LRMDA: variants seen among roughly 807,000 people sequenced by gnomAD.
LRMDA encodes the protein leucine rich melanocyte differentiation associated, also known as leucine-rich melanocyte differentiation-associated protein.
A neutral mutation model predicts 29.8 loss-of-function variants in LRMDA; 18 were observed. The observed-to-expected ratio is 0.60, with a 90% CI of 0.42 to 0.90. LRMDA has a LOEUF of 0.90. Ranked by LOEUF, LRMDA falls within the 40% of genes least tolerant of loss-of-function variation. LRMDA has a pLI of 0.00. For synonymous variants in LRMDA, 125 were observed against 109.4 expected (o/e 1.14, Z -0.89); for missense variants, 273 against 273.9 (o/e 1.00, Z 0.02).
chr10:76,426,159 A>T (rs1842123957), intron 6 of LRMDA, among the ~76,000 whole-genome samples: 1 of 152,174 alleles, frequency 6.6e-6, no homozygotes, highest in Non-Finnish European at 1.5e-5. Context: ...CTAGTTCTAG[A>T]TCCCTGCAGA....
intron 5 of LRMDA, among the ~76,000 whole-genome samples, chr10:76,313,792 TA>T (rs1453742364): frequency 5.3e-5 from 8 of 152,222 alleles, no homozygotes; most frequent in Non-Finnish European, 1.0e-4. Flanking sequence ...ATACTGTTTC[TA>T]AAAAATTCCA....
chr10:75,502,097 T>G (rs574972098), intron 2 of LRMDA, among the ~76,000 whole-genome samples: 3 of 152,360 alleles, frequency 2.0e-5, no homozygotes, highest in Admixed American at 1.3e-4. Flanking sequence ...TCTTTGGAGC[T>G]GTCTCAGTTC....
At chr10:75,506,984 C>T (rs1277584706) in intron 2 of LRMDA, among the ~76,000 whole-genome samples, 1 of 152,084 alleles carries the variant, frequency 6.6e-6, no homozygotes, top group Non-Finnish European at 1.5e-5. Context: ...GAGAGTTGTG[C>T]TGTGGTTGGG....
intron 5 of LRMDA, among the ~76,000 whole-genome samples, chr10:76,206,734 G>A (rs1851543759): frequency 6.6e-6 from 1 of 152,096 alleles, no homozygotes; most frequent in African/African-American, 2.4e-5. Context: ...AAGGGAGATG[G>A]GACTATCCAG....
chr10:75,621,200 A>ACACACG (rs1841178475), intron 2 of LRMDA, among the ~76,000 whole-genome samples: 1 of 38,994 alleles, frequency 2.6e-5, no homozygotes, highest in Non-Finnish European at 5.2e-5. Flanking sequence ...GTATTCCATT[A>ACACACG]CACACACACA....
intron 2 of LRMDA, among the ~76,000 whole-genome samples, chr10:75,963,341 C>A (rs1372455913): frequency 6.6e-6 from 1 of 152,152 alleles, no homozygotes; most frequent in Non-Finnish European, 1.5e-5. Flanking sequence ...GTGTTGGTAA[C>A]CTTGTTATAG....
chr10:75,884,272 T>TGG (rs796899532), intron 2 of LRMDA, among the ~76,000 whole-genome samples: 4,257 of 145,434 alleles, frequency 0.029, 193 homozygotes, highest in African/African-American at 0.09. Flanking sequence ...TGTGTGTGTG[T>TGG]GTGTGTGTGT....
Position 76,432,124 on chromosome 10 carries a change from C to A in LRMDA, c.601+107639C>A, listed in dbSNP as rs534052509. 1.6e-4 allele frequency among the ~76,000 whole-genome samples: 25 copies of A among 152,268 alleles called. 1 individual carries two copies. Among genetic ancestry groups the A allele is most frequent in the Admixed American group, 1.4e-3 (22 of 15,294 alleles). ...TCCCTTTGTAAAACTTGAGTCCTGGCTGATTATCTCCAAACTTTCCCTTGA... is the reference window on the plus strand; with the variant it reads ...TCCCTTTGTAAAACTTGAGTCCTGGATGATTATCTCCAAACTTTCCCTTGA... On this transcript the variant is annotated intron_variant, in intron 6 of 6. Coordinates refer to ENST00000611255, the MANE Select transcript of LRMDA (RefSeq NM_001305581.2).
At chr10:76,129,119 A>C (rs531923264) in intron 5 of LRMDA, among the ~76,000 whole-genome samples, 20 of 152,312 alleles carry the variant, frequency 1.3e-4, no homozygotes, top group African/African-American at 4.8e-4. Flanking sequence ...ATTCTCAAGC[A>C]TCATTCCAGT....
intron 5 of LRMDA, among the ~76,000 whole-genome samples, chr10:76,255,023 A>G (rs1027532186): frequency 6.6e-6 from 1 of 152,136 alleles, no homozygotes; most frequent in African/African-American, 2.4e-5. Context: ...ATTTTCACTC[A>G]GCCTTTCAAA....
intron 2 of LRMDA, among the ~76,000 whole-genome samples, chr10:75,772,572 G>A (rs958839292): frequency 3.9e-5 from 6 of 152,082 alleles, no homozygotes; most frequent in Non-Finnish European, 5.9e-5. Context: ...AGTGGGAACC[G>A]GTCAATTCGC....
At chr10:76,290,757 C>T (rs183973452) in intron 5 of LRMDA, among the ~76,000 whole-genome samples, 1 of 152,220 alleles carries the variant, frequency 6.6e-6, no homozygotes, top group African/African-American at 2.4e-5. Flanking sequence ...GTTAGGTGGA[C>T]ATTTCTAGAG....
intron 5 of LRMDA, among the ~76,000 whole-genome samples, chr10:76,279,959 T>A (rs1364327782): frequency 3.3e-5 from 5 of 152,206 alleles, no homozygotes; most frequent in Non-Finnish European, 7.3e-5. Context: ...TTGAATCCAA[T>A]CAACCTCTGC....
At chr10:75,785,416 C>T (rs902517216) in intron 2 of LRMDA, among the ~76,000 whole-genome samples, 3 of 152,182 alleles carry the variant, frequency 2.0e-5, no homozygotes, top group African/African-American at 7.2e-5. Flanking sequence ...ACACCGAACA[C>T]TGAGCATGGT....
At chr10:75,618,355 A>ACTCTCTCTCT (rs753240055) in intron 2 of LRMDA, among the ~76,000 whole-genome samples, 21 of 131,876 alleles carry the variant, frequency 1.6e-4, no homozygotes, top group African/African-American at 6.2e-4. Flanking sequence ...TCTTTACCAG[A>ACTCTCTCTCT]CTCTCTCTCT....
intron 2 of LRMDA, among the ~76,000 whole-genome samples, chr10:75,807,141 G>A (rs921398361): frequency 5.9e-5 from 9 of 152,090 alleles, no homozygotes; most frequent in African/African-American, 2.2e-4. Flanking sequence ...GCTGGAGGTC[G>A]GTCCTGTTGC....
rs1489879352 is a variant in LRMDA, at chr10:76,383,423, T to C, written c.601+58938T>C. ...GTACACCAATGTCTTTTCTTTTTTT[T>C]TTTTTTTTTTTTTTTTTTGAGACGG... On this transcript the variant is annotated intron_variant, in intron 6 of 6. Transcript: ENST00000611255. 8.5e-4 allele frequency among the ~76,000 whole-genome samples: 112 copies of C among 132,264 alleles called. No homozygotes were observed. The Middle Eastern group carries it at 0.018, about 22-fold the overall frequency. The allele number at this position is 132,264 out of a possible 152,430, so 86.8% of individuals were successfully genotyped here.
At chr10:76,342,129 G>A (rs1415166819) in intron 6 of LRMDA, among the ~76,000 whole-genome samples, 1 of 152,106 alleles carries the variant, frequency 6.6e-6, no homozygotes, top group Admixed American at 6.5e-5. Flanking sequence ...GTAGATAGAG[G>A]TAGTACAATA....
At chr10:75,461,453 G>T (rs571614814) in intron 2 of LRMDA, among the ~76,000 whole-genome samples, 65 of 152,234 alleles carry the variant, frequency 4.3e-4, no homozygotes, top group Non-Finnish European at 8.4e-4. Flanking sequence ...GGGGAGAAGG[G>T]CAGTGGAAGG....
Sources: allele counts gnomAD v4.1 joint callset (sites outside exome capture counted in the v4.1 genomes callset), GRCh38; gene constraint gnomAD v4.1.1; transcripts MANE v1.5; gene names NCBI Gene and HGNC (gene_info 2026-07-23, HGNC 2026-07-21).